The following DMD variants were observed in gnomAD, a reference collection of about 807,000 sequenced individuals.
DMD encodes dystrophin, also known as mutant dystrophin.
Under a neutral mutation model 330.1 loss-of-function variants are expected in DMD, and 63 were observed. That is an observed-to-expected ratio of 0.19 (90% CI 0.16 to 0.24). DMD has a LOEUF of 0.24. Among genes scored for constraint, DMD ranks in the 10% least tolerant of loss-of-function variants. The pLI is 1.00. For synonymous variants in DMD, 1,223 were observed against 959.8 expected, an observed-to-expected ratio of 1.27 and a Z score of -5.07; for missense variants, 3,344 against 2,684.1, an observed-to-expected ratio of 1.25 and a Z score of -5.43.
intron 37 of DMD, among the ~76,000 whole-genome samples, chrX:32,360,116 C>T (rs1356795117): frequency 9.0e-6 from 1 of 110,736 alleles, no homozygotes. Context: ...TTCTCTCTGC[C>T]GAGATCATCT....
intron 2 of DMD, 61 bp from the exon 3 acceptor site, chrX:32,849,881 G>T: frequency 3.6e-6 from 3 of 844,589 alleles, no homozygotes; most frequent in Non-Finnish European, 5.3e-6. Flanking sequence ...ACATTTTCAC[G>T]ATTATCCCCT....
chrX:31,578,156 GAAC>G (rs1018537787), intron 55 of DMD, among the ~76,000 whole-genome samples: 1 of 111,623 alleles, frequency 9.0e-6, no homozygotes, highest in African/African-American at 3.3e-5. Context: ...ACTTACTGGA[GAAC>G]ATTATAGGTT....
intron 1 of DMD, among the ~76,000 whole-genome samples, chrX:33,315,200 G>T (rs1206280561): frequency 8.9e-6 from 1 of 112,106 alleles, no homozygotes; most frequent in East Asian, 2.8e-4. Context: ...CCATCTCAAA[G>T]TCCCTAATTT....
At chrX:32,924,275 C>T (rs2088751131) in intron 2 of DMD, among the ~76,000 whole-genome samples, 1 of 111,649 alleles carries the variant, frequency 9.0e-6, no homozygotes, top group Admixed American at 9.6e-5. Flanking sequence ...CACTTGTAAT[C>T]CCAGCACTTT....
At chrX:31,806,846 A>G (rs962154043) in intron 50 of DMD, among the ~76,000 whole-genome samples, 11 of 112,477 alleles carry the variant, frequency 9.8e-5, no homozygotes, top group African/African-American at 3.6e-4. Flanking sequence ...AAGTGGTAAC[A>G]CCTCTGTTAA....
chrX:31,568,307 C>A (rs755755687), intron 55 of DMD, among the ~76,000 whole-genome samples: 1 of 111,337 alleles, frequency 9.0e-6, no homozygotes, highest in South Asian at 3.7e-4. Flanking sequence ...GTTCTCTTTA[C>A]CCTTGCTTAT....
chrX:31,942,563 C>T (rs1161615413), intron 45 of DMD, among the ~76,000 whole-genome samples: 1 of 111,512 alleles, frequency 9.0e-6, no homozygotes, highest in African/African-American at 3.3e-5. Context: ...CTGGGATGTC[C>T]TTCCATACAT....
intron 30 of DMD, among the ~76,000 whole-genome samples, chrX:32,407,593 T>C (rs1432816800): frequency 2.7e-4 from 30 of 110,853 alleles, no homozygotes; most frequent in African/African-American, 9.2e-4. Flanking sequence ...GAACTAGAAA[T>C]ACCATTTGAC....
At chrX:31,526,505 C>T (rs1051730083) in intron 55 of DMD, among the ~76,000 whole-genome samples, 2 of 111,830 alleles carry the variant, frequency 1.8e-5, no homozygotes, top group Non-Finnish European at 3.8e-5. Flanking sequence ...TTAACCTATA[C>T]CATGGATGAT....
intron 30 of DMD, among the ~76,000 whole-genome samples, chrX:32,394,934 G>GAAAAAAAAAAAAAAAA (rs1569560916): frequency 1.4e-5 from 1 of 69,031 alleles, no homozygotes; most frequent in African/African-American, 4.8e-5. Context: ...AAAAAAAAAA[G>GAAAAAAAAAAAAAAAA]AAAAGAAATC....
At chrX:32,116,160 T>G (rs982680902) in intron 44 of DMD, among the ~76,000 whole-genome samples, 2 of 111,389 alleles carry the variant, frequency 1.8e-5, no homozygotes, top group South Asian at 7.6e-4. Flanking sequence ...CTAGGTCAAG[T>G]CTCTTTTGAA....
intron 47 of DMD, among the ~76,000 whole-genome samples, chrX:31,883,075 A>G (rs780611760): frequency 8.9e-6 from 1 of 112,029 alleles, no homozygotes; most frequent in Non-Finnish European, 1.9e-5. Flanking sequence ...CCCAATGTCC[A>G]TTGATTAGCA....
intron 39 of DMD, among the ~76,000 whole-genome samples, chrX:32,343,727 T>C (rs1380072039): frequency 8.9e-6 from 1 of 111,912 alleles, no homozygotes; most frequent in Non-Finnish European, 1.9e-5. Flanking sequence ...AACAAAACTT[T>C]ATGTACTCAA....
chrX:31,388,352 T>C (rs993549634), intron 60 of DMD, among the ~76,000 whole-genome samples: 3 of 110,525 alleles, frequency 2.7e-5, no homozygotes, highest in African/African-American at 9.9e-5. Context: ...GGGCAGGGGT[T>C]TTGTCTTGTT....
chrX:32,389,695 G>T (rs1460605970), intron 31 of DMD, 21 bp from the exon 32 acceptor site: 2 of 1,198,892 alleles, frequency 1.7e-6, no homozygotes, highest in Admixed American at 4.4e-5. Context: ...AGTGTAAAAA[G>T]GCACTGATTT....
At chrX:32,201,440 G>A (rs2097036341) in intron 44 of DMD, among the ~76,000 whole-genome samples, 1 of 103,550 alleles carries the variant, frequency 9.7e-6, no homozygotes, top group African/African-American at 3.6e-5. Flanking sequence ...TTCCTTTAAG[G>A]GTGAGACTAT....
At chrX:31,997,809 C>G (rs1456541814) in intron 44 of DMD, among the ~76,000 whole-genome samples, 1 of 111,401 alleles carries the variant, frequency 9.0e-6, no homozygotes, top group East Asian at 2.8e-4. Context: ...GTATATTCTT[C>G]CTGCTTTTAA....
intron 1 of DMD, among the ~76,000 whole-genome samples, chrX:33,079,112 C>T (rs1290131411): frequency 9.0e-6 from 1 of 111,426 alleles, no homozygotes; most frequent in African/African-American, 3.3e-5. Context: ...CTCACCGCAA[C>T]CTCCGCCTCC....
intron 11 of DMD, among the ~76,000 whole-genome samples, chrX:32,626,545 G>A (rs1602283800): frequency 9.5e-6 from 1 of 104,996 alleles, no homozygotes; most frequent in East Asian, 2.8e-4. Context: ...ATTAGTTTTG[G>A]TTTTAGCTTA....
Sources: allele counts gnomAD v4.1 joint callset (sites outside exome capture counted in the v4.1 genomes callset), GRCh38; gene constraint gnomAD v4.1.1; transcripts MANE v1.5; gene names NCBI Gene and HGNC (gene_info 2026-07-23, HGNC 2026-07-21).